The following KAT2B variants were observed in gnomAD, a reference collection of about 807,000 sequenced individuals.
KAT2B encodes the protein lysine acetyltransferase 2B, also known as histone acetyltransferase KAT2B.
In KAT2B, 36 loss-of-function variants were observed where a neutral mutation model predicts 105.9. That is an observed-to-expected ratio of 0.34 (90% CI 0.26 to 0.45). KAT2B has a LOEUF of 0.45. Among genes scored for constraint, KAT2B ranks in the 20% least tolerant of loss-of-function variants. KAT2B has a pLI of 1.00. For synonymous variants in KAT2B, 397 were observed against 377.9 expected (o/e 1.05, Z -0.59); for missense variants, 820 against 1,021.6 (o/e 0.80, Z 2.69).
At chr3:20,088,243 A>G (rs938209197) in intron 2 of KAT2B, among the ~76,000 whole-genome samples, 9 of 152,172 alleles carry the variant, frequency 5.9e-5, no homozygotes, top group African/African-American at 2.2e-4. Context: ...TGACATACTG[A>G]TTTCCTTTTC....
chr3:20,106,961 G>GTATATATATATATATATGTATATATATA (rs1286815253), intron 5 of KAT2B, among the ~76,000 whole-genome samples: 12 of 69,968 alleles, frequency 1.7e-4, no homozygotes, highest in Admixed American at 1.5e-3. Context: ...AATTTTATGT[G>GTATATATATATATATATGTATATATATA]TATATATATA....
Position 20,059,789 on chromosome 3 carries a change from T to A in KAT2B, c.304-12544T>A, listed in dbSNP as rs116476837. 3.8e-3 allele frequency among the ~76,000 whole-genome samples: 573 copies of A among 152,336 alleles called. 4 individuals are homozygous for A. The highest frequency in any genetic ancestry group is 0.013 in the African/African-American group (542 of 41,568). On this transcript the variant is annotated intron_variant, in intron 1 of 17. Transcript: ENST00000263754. ...CTCTAGTTTTAAGTGTACAATTCAA[T>A]GATTTTTAAGAAATTGACAAGTTGT...
chr3:20,102,117 A>G (rs1575134435), intron 5 of KAT2B, among the ~76,000 whole-genome samples: 1 of 152,126 alleles, frequency 6.6e-6, no homozygotes, highest in Admixed American at 6.6e-5. Flanking sequence ...GGAGTTCAAG[A>G]CCAGCCTGGC....
chr3:20,138,414 T>G (rs535665635), intron 12 of KAT2B, among the ~76,000 whole-genome samples: 1 of 152,226 alleles, frequency 6.6e-6, no homozygotes. Context: ...GTGTTTCTTG[T>G]AGGTAATGTG....
chr3:20,060,185 T>C (rs1698075739), intron 1 of KAT2B, among the ~76,000 whole-genome samples: 1 of 152,286 alleles, frequency 6.6e-6, no homozygotes, highest in Non-Finnish European at 1.5e-5. Flanking sequence ...ATAATGTTGC[T>C]GAGGCATCTG....
At chr3:20,080,919 G>A (rs541294090) in intron 2 of KAT2B, among the ~76,000 whole-genome samples, 33 of 152,256 alleles carry the variant, frequency 2.2e-4, no homozygotes, top group Non-Finnish European at 4.3e-4. Context: ...TTTAAACACA[G>A]CTACTGGAAT....
chr3:20,067,078 C>T (rs2125177467), intron 1 of KAT2B, among the ~76,000 whole-genome samples: 1 of 152,288 alleles, frequency 6.6e-6, no homozygotes, highest in African/African-American at 2.4e-5. Context: ...TCCCTCTCTT[C>T]ATTCCTCTTA....
chr3:20,047,054 C>A (rs1697823551), intron 1 of KAT2B, among the ~76,000 whole-genome samples: 1 of 151,526 alleles, frequency 6.6e-6, no homozygotes, highest in African/African-American at 2.4e-5. Context: ...AAAGAAAAAA[C>A]ATCAATGGTT....
At chr3:20,114,621 T>C (rs764259517) in intron 6 of KAT2B, among the ~76,000 whole-genome samples, 4 of 152,210 alleles carry the variant, frequency 2.6e-5, no homozygotes, top group Non-Finnish European at 5.9e-5. Context: ...AATGCATTTC[T>C]ACTGATGTAA....
chr3:20,079,260 A>G (rs12639358), intron 2 of KAT2B, among the ~76,000 whole-genome samples: 15,384 of 138,690 alleles, frequency 0.11, 965 homozygotes, highest in East Asian at 0.24. Context: ...GCTGGAGTGC[A>G]ATGGTGCAAT....
chr3:20,144,538 C>G (rs1699752114), intron 13 of KAT2B, among the ~76,000 whole-genome samples: 1 of 151,438 alleles, frequency 6.6e-6, no homozygotes, highest in South Asian at 2.1e-4. Context: ...ATCTGCCCAC[C>G]TCGGCCTCCC....
At chr3:20,119,791 C>G in intron 8 of KAT2B, 68 bp downstream of exon 8, 1 of 1,551,796 alleles carries the variant, frequency 6.4e-7, no homozygotes, top group South Asian at 1.2e-5. Flanking sequence ...CTGAGGAGTG[C>G]AAAAGGTAGA....
intron 13 of KAT2B, among the ~76,000 whole-genome samples, chr3:20,140,790 C>G (rs535425649): frequency 6.6e-6 from 1 of 152,208 alleles, no homozygotes; most frequent in East Asian, 1.9e-4. Flanking sequence ...TCGCTCCTGG[C>G]CATAGATTTC....
intron 5 of KAT2B, among the ~76,000 whole-genome samples, chr3:20,110,828 A>C (rs1460885313): frequency 6.6e-6 from 1 of 152,126 alleles, no homozygotes; most frequent in African/African-American, 2.4e-5. Context: ...TCTCAAGAAA[A>C]GTCCTGGCTT....
At chr3:20,141,916 C>G (rs556065970) in intron 13 of KAT2B, among the ~76,000 whole-genome samples, 15 of 152,068 alleles carry the variant, frequency 9.9e-5, no homozygotes, top group African/African-American at 1.2e-4. Flanking sequence ...CTCTCCCTGT[C>G]TCTCTGAAGA....
chr3:20,083,683 T>G (rs1337890822), intron 2 of KAT2B, among the ~76,000 whole-genome samples: 1 of 152,084 alleles, frequency 6.6e-6, no homozygotes, highest in Non-Finnish European at 1.5e-5. Context: ...TTATAGTAGG[T>G]TTGACATTCC....
In KAT2B at chr3:20,082,135, A is replaced by G. The variant is rs568340411; in HGVS notation, c.430+9676A>G. Among the ~76,000 whole-genome samples, 45 of 152,086 alleles carry G rather than the reference A, an allele frequency of 3.0e-4. 1 individual carries two copies. The highest frequency in any genetic ancestry group is 3.4e-3 in the Middle Eastern group (1 of 292). On this transcript the variant is annotated intron_variant, in intron 2 of 17. Transcript: ENST00000263754. ...CTGCAGCCTCCACCTCCTGGGTTCAAATGATTCTCATGCCTCAGCCTCCCA... is the reference window on the plus strand; with the variant it reads ...CTGCAGCCTCCACCTCCTGGGTTCAGATGATTCTCATGCCTCAGCCTCCCA...
intron 9 of KAT2B, chr3:20,123,056 C>T: frequency 1.5e-6 from 1 of 687,140 alleles, no homozygotes; most frequent in Non-Finnish European, 1.8e-6. Context: ...AGCTTTTTAT[C>T]TTGAAAAATT....
intron 2 of KAT2B, among the ~76,000 whole-genome samples, chr3:20,081,964 T>C (rs530738792): frequency 6.6e-6 from 1 of 151,414 alleles, no homozygotes; most frequent in Non-Finnish European, 1.5e-5. Flanking sequence ...TTTCTGGAAC[T>C]ATATGAGAAT....
Sources: allele counts gnomAD v4.1 joint callset (sites outside exome capture counted in the v4.1 genomes callset), GRCh38; gene constraint gnomAD v4.1.1; transcripts MANE v1.5; gene names NCBI Gene and HGNC (gene_info 2026-07-23, HGNC 2026-07-21).